Variants in CNTNAP2 observed in about 807,000 individuals in gnomAD.
The protein encoded by CNTNAP2 is contactin-associated protein-like 2.
Under a neutral mutation model 155.2 loss-of-function variants are expected in CNTNAP2, and 98 were observed. The observed-to-expected ratio is 0.63, with a 90% CI of 0.54 to 0.75. The LOEUF is 0.75. Ranked by LOEUF, CNTNAP2 falls within the 30% of genes least tolerant of loss-of-function variation. The pLI is 0.00. For missense variants in CNTNAP2, 1,727 were observed against 1,688.1 expected (o/e 1.02, Z -0.40); for synonymous variants, 651 against 631.2 (o/e 1.03, Z -0.47).
intron 21 of CNTNAP2, among the ~76,000 whole-genome samples, chr7:148,370,876 C>T (rs1197949036): frequency 2.6e-5 from 4 of 152,168 alleles, no homozygotes; most frequent in African/African-American, 4.8e-5. Flanking sequence ...AAGGCAGTGA[C>T]GGTGTGCTTC....
At chr7:147,407,433 AC>A (rs1797024708) in intron 10 of CNTNAP2, among the ~76,000 whole-genome samples, 1 of 137,700 alleles carries the variant, frequency 7.3e-6, no homozygotes. Flanking sequence ...ATGCCACTGC[AC>A]TCCAGCCTGG....
At chr7:146,285,493 A>G (rs928651510) in intron 1 of CNTNAP2, among the ~76,000 whole-genome samples, 1 of 152,058 alleles carries the variant, frequency 6.6e-6, no homozygotes, top group African/African-American at 2.4e-5. Flanking sequence ...AGGTTTTATT[A>G]AGAAGGTTTT....
intron 15 of CNTNAP2, among the ~76,000 whole-genome samples, chr7:148,017,651 A>T (rs559554225): frequency 6.6e-6 from 1 of 152,348 alleles, no homozygotes; most frequent in East Asian, 1.9e-4. Context: ...GATCTAAACC[A>T]GTTCAGATTA....
chr7:147,812,468 A>G (rs1340813836), intron 13 of CNTNAP2, among the ~76,000 whole-genome samples: 2 of 151,450 alleles, frequency 1.3e-5, no homozygotes, highest in Admixed American at 6.6e-5. Context: ...GAGTTCTTAT[A>G]TAAGTAGGAA....
chr7:147,101,894 A>C (rs1800664686), intron 4 of CNTNAP2, among the ~76,000 whole-genome samples: 1 of 152,122 alleles, frequency 6.6e-6, no homozygotes, highest in Admixed American at 6.5e-5. Context: ...TGAAAGAAGC[A>C]ACAATTGGGC....
At chr7:147,352,370 T>A (rs1324835646) in intron 9 of CNTNAP2, among the ~76,000 whole-genome samples, 1 of 151,988 alleles carries the variant, frequency 6.6e-6, no homozygotes, top group East Asian at 1.9e-4. Context: ...GTACACTTCA[T>A]CTAAGTCCAA....
At chr7:148,150,473 G>A (rs1036463189) in intron 17 of CNTNAP2, among the ~76,000 whole-genome samples, 15 of 152,014 alleles carry the variant, frequency 9.9e-5, no homozygotes, top group African/African-American at 2.2e-4. Flanking sequence ...GTGTGAACCC[G>A]GGAGGCAGAG....
chr7:147,042,252 CAGA>C (rs1320534473), intron 3 of CNTNAP2, among the ~76,000 whole-genome samples: 1 of 152,138 alleles, frequency 6.6e-6, no homozygotes, highest in Non-Finnish European at 1.5e-5. Context: ...GGAATCGTCA[CAGA>C]AGAACATCCC....
intron 1 of CNTNAP2, among the ~76,000 whole-genome samples, chr7:146,735,081 T>C (rs552041648): frequency 6.6e-6 from 1 of 152,298 alleles, no homozygotes; most frequent in East Asian, 1.9e-4. Context: ...TCAAAACAAA[T>C]TGTTATTGGA....
intron 1 of CNTNAP2, among the ~76,000 whole-genome samples, chr7:146,608,969 G>T (rs1202645220): frequency 6.6e-6 from 1 of 151,976 alleles, no homozygotes; most frequent in Admixed American, 6.6e-5. Flanking sequence ...TTCCAAGTTA[G>T]GGAAATAAAG....
At chr7:147,818,902 G>A (rs1222397893) in intron 13 of CNTNAP2, among the ~76,000 whole-genome samples, 1 of 152,138 alleles carries the variant, frequency 6.6e-6, no homozygotes, top group African/African-American at 2.4e-5. Flanking sequence ...AGAGAAGGTA[G>A]CTTGATAGTA....
chr7:148,211,975 T>A (rs1795558985), intron 18 of CNTNAP2, among the ~76,000 whole-genome samples: 1 of 152,164 alleles, frequency 6.6e-6, no homozygotes, highest in Non-Finnish European at 1.5e-5. Context: ...ACAAAAAGAA[T>A]CATGCCAATT....
chr7:147,868,752 C>T (rs1799275118), intron 13 of CNTNAP2, among the ~76,000 whole-genome samples: 2 of 152,254 alleles, frequency 1.3e-5, no homozygotes, highest in African/African-American at 4.8e-5. Flanking sequence ...GTGAGCAAGG[C>T]TCCATGGGCA....
At chr7:147,502,723 G>A (rs980745658) in intron 11 of CNTNAP2, among the ~76,000 whole-genome samples, 6 of 107,240 alleles carry the variant, frequency 5.6e-5, no homozygotes, top group African/African-American at 1.5e-4. Flanking sequence ...CACAATGTGT[G>A]TGTGTGTGTG....
intron 4 of CNTNAP2, among the ~76,000 whole-genome samples, chr7:147,078,395 C>T (rs1404414526): frequency 3.3e-5 from 5 of 152,192 alleles, no homozygotes; most frequent in Non-Finnish European, 7.3e-5. Context: ...AATTTATATT[C>T]ATCCTATAAA....
intron 8 of CNTNAP2, among the ~76,000 whole-genome samples, chr7:147,294,696 T>TG (rs1233008319): frequency 6.6e-6 from 1 of 152,152 alleles, no homozygotes; most frequent in African/African-American, 2.4e-5. Context: ...TTTGCTCTTG[T>TG]TGCCCATTCT....
At chr7:146,611,380 C>T (rs959280175) in intron 1 of CNTNAP2, among the ~76,000 whole-genome samples, 2 of 152,144 alleles carry the variant, frequency 1.3e-5, no homozygotes, top group Admixed American at 6.5e-5. Flanking sequence ...CGCGAGCCAC[C>T]GCACCTGGTC....
At chr7:148,049,774 A>G (rs565246174) in intron 15 of CNTNAP2, among the ~76,000 whole-genome samples, 138 of 152,340 alleles carry the variant, frequency 9.1e-4, no homozygotes, top group African/African-American at 3.2e-3. Context: ...CTTGATAATG[A>G]TAATATTTGA....
chr7:146,549,105 G>A (rs372326131), intron 1 of CNTNAP2, among the ~76,000 whole-genome samples: 3 of 141,968 alleles, frequency 2.1e-5, no homozygotes, highest in East Asian at 4.2e-4. Flanking sequence ...AACAACATTT[G>A]TTAAAGAGAC....
Sources: allele counts gnomAD v4.1 joint callset (sites outside exome capture counted in the v4.1 genomes callset), GRCh38; gene constraint gnomAD v4.1.1; transcripts MANE v1.5; gene names NCBI Gene and HGNC (gene_info 2026-07-23, HGNC 2026-07-21).